ST3GAL2: variants seen among roughly 807,000 people sequenced by gnomAD.
ST3GAL2 encodes CMP-N-acetylneuraminate-beta-galactosamide-alpha-2,3-sialyltransferase 2.
ST3GAL2 carries 16 observed loss-of-function variants against 37.5 expected under a neutral mutation model. The ratio of observed to expected loss-of-function variants is 0.43; its 90% CI spans 0.29 to 0.65. ST3GAL2 has a LOEUF of 0.65. Ranked by LOEUF, ST3GAL2 falls within the 30% of genes least tolerant of loss-of-function variation. The probability of loss-of-function intolerance (pLI) is 0.17; values close to 1 mark genes in which losing one functional copy is unlikely to be tolerated. For synonymous variants in ST3GAL2, 238 were observed against 202.9 expected (o/e 1.17, Z -1.47); for missense variants, 383 against 487.8 (o/e 0.79, Z 2.02).
intron 4 of ST3GAL2, among the ~76,000 whole-genome samples, chr16:70,384,963 C>G (rs2047432156): frequency 6.7e-6 from 1 of 148,938 alleles, no homozygotes; most frequent in Non-Finnish European, 1.5e-5. Context: ...GAGCCAAGAT[C>G]ATGCCATTGC....
chr16:70,405,466 G>A (rs541179471), intron 1 of ST3GAL2, among the ~76,000 whole-genome samples: 8 of 149,276 alleles, frequency 5.4e-5, no homozygotes, highest in Admixed American at 2.0e-4. Context: ...GCATGAACCC[G>A]GGAGGCGGAG....
chr16:70,410,368 A>C (rs2047629089), intron 1 of ST3GAL2, among the ~76,000 whole-genome samples: 1 of 145,822 alleles, frequency 6.9e-6, no homozygotes, highest in Non-Finnish European at 1.5e-5. Context: ...CTCCTGCCTC[A>C]GCCTCCCCCG....
intron 1 of ST3GAL2, among the ~76,000 whole-genome samples, chr16:70,431,312 A>AGGCTGCTGACCTGCTGAGGCTGGGG (rs1016826175): frequency 3.3e-5 from 5 of 152,158 alleles, no homozygotes; most frequent in Non-Finnish European, 7.4e-5. Context: ...CTCCCTCCAA[A>AGGCTGCTGACCTGCTGAGGCTGGGG]GGCTGCTGAC....
intron 3 of ST3GAL2, among the ~76,000 whole-genome samples, chr16:70,394,520 G>A (rs563618005): frequency 6.6e-6 from 1 of 152,264 alleles, no homozygotes; most frequent in South Asian, 2.1e-4. Flanking sequence ...TGGAAATACA[G>A]ACACGCCACA....
At chr16:70,387,475 A>C (rs1394660755) in intron 4 of ST3GAL2, among the ~76,000 whole-genome samples, 2 of 151,998 alleles carry the variant, frequency 1.3e-5, no homozygotes, top group Admixed American at 6.6e-5. Context: ...GAATCTCTTA[A>C]ACTCGGGAGG....
At chr16:70,429,530 AGT>A (rs2047773991) in intron 1 of ST3GAL2, among the ~76,000 whole-genome samples, 2 of 137,144 alleles carry the variant, frequency 1.5e-5, no homozygotes, top group African/African-American at 5.8e-5. Context: ...CGGAGCTTGC[AGT>A]GAGCCGAGAT....
intron 1 of ST3GAL2, among the ~76,000 whole-genome samples, chr16:70,417,756 C>T (rs1244225939): frequency 6.7e-6 from 1 of 149,574 alleles, no homozygotes; most frequent in African/African-American, 2.5e-5. Context: ...GATGAATAAA[C>T]GGTGGACCAG....
At chr16:70,386,470 C>T (rs1375445958) in intron 4 of ST3GAL2, among the ~76,000 whole-genome samples, 1 of 151,842 alleles carries the variant, frequency 6.6e-6, no homozygotes, top group East Asian at 1.9e-4. Flanking sequence ...GGATTACAGG[C>T]GTGACTCACC....
At chr16:70,401,778 A>G (rs1263283851) in intron 1 of ST3GAL2, among the ~76,000 whole-genome samples, 1 of 152,050 alleles carries the variant, frequency 6.6e-6, no homozygotes, top group Non-Finnish European at 1.5e-5. Flanking sequence ...GTATCACCTG[A>G]GGTCAGGATT....
intron 1 of ST3GAL2, among the ~76,000 whole-genome samples, chr16:70,422,109 C>T (rs2047719056): frequency 6.6e-6 from 1 of 152,138 alleles, no homozygotes; most frequent in Non-Finnish European, 1.5e-5. Context: ...TGCTGGAGGA[C>T]CTTGATTCCA....
chr16:70,408,190 G>A (rs895454489), intron 1 of ST3GAL2, among the ~76,000 whole-genome samples: 3 of 152,170 alleles, frequency 2.0e-5, no homozygotes, highest in Non-Finnish European at 4.4e-5. Context: ...AGGCGGAAGT[G>A]AAGATGCTTT....
chr16:70,383,169 G>A (rs1193967436), intron 5 of ST3GAL2, 21 bp downstream of exon 5: 3 of 1,612,680 alleles, frequency 1.9e-6, no homozygotes, highest in East Asian at 2.2e-5. Context: ...CACTGAGGTG[G>A]GGAAGAAGTG....
chr16:70,396,269 T>C (rs1255079553), intron 2 of ST3GAL2, among the ~76,000 whole-genome samples: 1 of 148,674 alleles, frequency 6.7e-6, no homozygotes, highest in East Asian at 2.0e-4. Context: ...TAAATTACTT[T>C]TACTCAAAGT....
chr16:70,383,087 C>A lies in ST3GAL2; in HGVS notation c.759+103G>T, dbSNP rs564658912. The A allele has an allele frequency of 1.2e-3, 1,903 of 1,584,870 alleles. 7 individuals carry two copies. The highest frequency in any genetic ancestry group is 1.5e-3 in the Non-Finnish European group (1,698 of 1,159,708). On this transcript the variant is annotated intron_variant, in intron 5 of 6. Transcript: ENST00000342907. ...TCAGGCATCTCGGCAGATGGGGACC[C>A]TGAGGTTCTGCAGGGGAAATGGAAC...
chr16:70,398,480 C>G lies in ST3GAL2; in HGVS notation c.51G>C (p.Val17=). The change falls in exon 2 of 7, where the codon GTG becomes GTC. Residue 17 remains valine, a synonymous_variant. Transcript: ENST00000342907. ...AGGTGAAGAGCAGGGACATGATGAA[C>G]ACCAGCAGGAAGGCCACGGAGAGGA... ...VWFLSVAFLL[V]FIMSLLFTYS... is the part of the protein sequence containing the mutation. 6.2e-7 allele frequency: 1 copy of G among 1,613,354 alleles called. No individual in the cohort carries two copies. Among genetic ancestry groups the G allele is most frequent in the Non-Finnish European group, 8.5e-7 (1 of 1,179,956 alleles).
chr16:70,437,943 GA>G (rs1338565709), intron 1 of ST3GAL2, among the ~76,000 whole-genome samples: 1 of 152,142 alleles, frequency 6.6e-6, no homozygotes, highest in Non-Finnish European at 1.5e-5. Context: ...GGCTTTGACT[GA>G]AAAGAGGCCC....
intron 1 of ST3GAL2, among the ~76,000 whole-genome samples, chr16:70,419,536 C>G (rs1221123087): frequency 6.6e-6 from 1 of 152,134 alleles, no homozygotes; most frequent in Non-Finnish European, 1.5e-5. Context: ...GCACAGTGAC[C>G]TGGCTGGCAT....
intron 1 of ST3GAL2, among the ~76,000 whole-genome samples, chr16:70,423,543 C>A (rs139712066): frequency 6.6e-6 from 1 of 152,128 alleles, no homozygotes; most frequent in East Asian, 1.9e-4. Context: ...GTACTCCATA[C>A]TGGAAAAAGC....
At position 70,413,748 on chromosome 16, in the gene ST3GAL2, T is replaced by TAATAAATAAATAAATA. The variant is rs56300235; in HGVS notation, c.-1003-14231_-1003-14216dup. On this transcript the variant is annotated intron_variant, in intron 1 of 6. Transcript: ENST00000342907. ...CGAAACTCCATCTCAAAAAAGAAAA[T>TAATAAATAAATAAATA]AATAAATAAATAAATAAATAAATAA... 5.5e-5 allele frequency among the ~76,000 whole-genome samples: 8 copies of TAATAAATAAATAAATA among 145,472 alleles called. 1 individual carries two copies. Among genetic ancestry groups the TAATAAATAAATAAATA allele is most frequent in the African/African-American group, 1.0e-4 (4 of 39,156 alleles).
Sources: allele counts gnomAD v4.1 joint callset (sites outside exome capture counted in the v4.1 genomes callset), GRCh38; gene constraint gnomAD v4.1.1; transcripts MANE v1.5; gene names NCBI Gene and HGNC (gene_info 2026-07-23, HGNC 2026-07-21).